Variants in CNTNAP2 observed in about 807,000 individuals in gnomAD.
The protein encoded by CNTNAP2 is contactin-associated protein-like 2.
Under a neutral mutation model 155.2 loss-of-function variants are expected in CNTNAP2, and 98 were observed. The observed-to-expected ratio is 0.63, with a 90% CI of 0.54 to 0.75. The LOEUF (loss-of-function observed/expected upper bound fraction) is 0.75, where lower values mean the gene tolerates loss of function less well. Ranked by LOEUF, CNTNAP2 falls within the 30% of genes least tolerant of loss-of-function variation. CNTNAP2 has a pLI of 0.00. For synonymous variants in CNTNAP2, 651 were observed against 631.2 expected, an observed-to-expected ratio of 1.03 and a Z score of -0.47; for missense variants, 1,727 against 1,688.1, an observed-to-expected ratio of 1.02 and a Z score of -0.40.
At chr7:147,153,817 T>G (rs2116437252) in intron 8 of CNTNAP2, among the ~76,000 whole-genome samples, 1 of 152,270 alleles carries the variant, frequency 6.6e-6, no homozygotes, top group East Asian at 1.9e-4. Flanking sequence ...TCTGACTCTG[T>G]GCTAAAAGGT....
chr7:146,806,808 G>C (rs115620218), intron 2 of CNTNAP2, among the ~76,000 whole-genome samples: 97 of 152,234 alleles, frequency 6.4e-4, no homozygotes, highest in African/African-American at 2.3e-3. Flanking sequence ...TTCTCAGTTA[G>C]ACTTTCTGAT....
At chr7:147,758,255 T>C (rs376071093) in intron 13 of CNTNAP2, among the ~76,000 whole-genome samples, 38 of 152,292 alleles carry the variant, frequency 2.5e-4, no homozygotes, top group African/African-American at 7.9e-4. Flanking sequence ...TCTCGAAAAA[T>C]TGGGACACCT....
intron 9 of CNTNAP2, among the ~76,000 whole-genome samples, chr7:147,368,000 CTG>C: frequency 1.5e-5 from 2 of 135,040 alleles, no homozygotes; most frequent in Admixed American, 7.8e-5. Flanking sequence ...CTCTCTCTCT[CTG>C]TCTCTCTCTC....
At chr7:146,527,769 T>C (rs1797712101) in intron 1 of CNTNAP2, among the ~76,000 whole-genome samples, 1 of 151,948 alleles carries the variant, frequency 6.6e-6, no homozygotes. Context: ...TGGATAATGT[T>C]ATTGCTGGGA....
intron 21 of CNTNAP2, among the ~76,000 whole-genome samples, chr7:148,323,085 T>C (rs1585271745): frequency 6.6e-6 from 1 of 152,084 alleles, no homozygotes; most frequent in South Asian, 2.1e-4. Flanking sequence ...TGTTAGATGC[T>C]TTACCTATGT....
rs1334258034 is a variant in CNTNAP2, at chr7:146,406,252, A to G, written c.97+289279A>G. On this transcript the variant is annotated intron_variant, in intron 1 of 23. Coordinates refer to ENST00000361727, the MANE Select transcript of CNTNAP2 (RefSeq NM_014141.6). ...TGCAGTGGTGACCTTAGGACAGGGC[A>G]CTGTTTAGCAAATATCTTTTAAAAT... Among the ~76,000 whole-genome samples the G allele has an allele frequency of 3.3e-5, 5 of 152,210 alleles. 1 individual carries two copies.
At chr7:147,510,437 C>A (rs932389210) in intron 11 of CNTNAP2, among the ~76,000 whole-genome samples, 9 of 152,020 alleles carry the variant, frequency 5.9e-5, no homozygotes, top group Admixed American at 2.0e-4. Flanking sequence ...TGACAAAGGA[C>A]TTCAGAAATA....
At chr7:147,920,031 G>T (rs1276907583) in intron 14 of CNTNAP2, among the ~76,000 whole-genome samples, 2 of 151,968 alleles carry the variant, frequency 1.3e-5, no homozygotes, top group Non-Finnish European at 2.9e-5. Flanking sequence ...TAGAGTGAAA[G>T]TTCACTGGTA....
intron 1 of CNTNAP2, among the ~76,000 whole-genome samples, chr7:146,275,834 T>A (rs1306870936): frequency 6.6e-6 from 1 of 152,220 alleles, no homozygotes; most frequent in Non-Finnish European, 1.5e-5. Flanking sequence ...TAACTCAGAT[T>A]GCTTGATTTA....
At chr7:146,388,111 A>T in intron 1 of CNTNAP2, among the ~76,000 whole-genome samples, 1 of 146,334 alleles carries the variant, frequency 6.8e-6, no homozygotes, top group Non-Finnish European at 1.5e-5. Context: ...TTAATTTTTA[A>T]CATTTATTTT....
At position 146,683,836 on chromosome 7, in the gene CNTNAP2, G is replaced by T. The variant is rs150363461; in HGVS notation, c.98-90435G>T. Among the ~76,000 whole-genome samples, 1,347 of 152,268 alleles carry T rather than the reference G, an allele frequency of 8.8e-3. 11 individuals are homozygous for T. Among genetic ancestry groups the T allele is most frequent in the Non-Finnish European group, 0.015 (1,011 of 68,004 alleles). On this transcript the variant is annotated intron_variant, in intron 1 of 23. Transcript: ENST00000361727. The stretch of plus-strand genomic sequence containing the variant: ...AAAGGACAGCCTGTTTCAAGGTATG[G>T]TAAAATGATATATGTACAAATATTG...
At chr7:147,558,697 TTTCCTTCCTTCCTTCCTTCCTTCCTTCC>T (rs151097268) in intron 11 of CNTNAP2, among the ~76,000 whole-genome samples, 68,886 of 148,904 alleles carry the variant, frequency 0.46, 16,014 homozygotes, top group East Asian at 0.62. Flanking sequence ...TCGTTCGTTC[TTTCCTTCCTTCCTTCCTTCCTTCCTTCC>T]TTCCTTCCTT....
chr7:146,390,609 A>T (rs2129106505), intron 1 of CNTNAP2, among the ~76,000 whole-genome samples: 1 of 150,058 alleles, frequency 6.7e-6, no homozygotes, highest in African/African-American at 2.4e-5. Flanking sequence ...TGAAATAAAA[A>T]TATATATTTT....
At chr7:147,500,627 A>T (rs1202660596) in intron 11 of CNTNAP2, among the ~76,000 whole-genome samples, 1 of 152,208 alleles carries the variant, frequency 6.6e-6, no homozygotes, top group Non-Finnish European at 1.5e-5. Flanking sequence ...GCACAAACAC[A>T]CACACATACC....
chr7:146,703,490 T>C (rs115786116), intron 1 of CNTNAP2, among the ~76,000 whole-genome samples: 363 of 152,284 alleles, frequency 2.4e-3, no homozygotes, highest in African/African-American at 8.3e-3. Flanking sequence ...GCATTTACTT[T>C]ATGTCTTAGT....
intron 1 of CNTNAP2, among the ~76,000 whole-genome samples, chr7:146,488,473 G>A (rs1797091436): frequency 6.6e-6 from 1 of 151,898 alleles, no homozygotes; most frequent in East Asian, 1.9e-4. Context: ...GGAATGCATA[G>A]TCATTTTAAA....
intron 1 of CNTNAP2, among the ~76,000 whole-genome samples, chr7:146,759,711 A>AAAAAAAAAAG (rs1309834469): frequency 4.9e-5 from 3 of 60,728 alleles, no homozygotes; most frequent in African/African-American, 1.8e-4. Flanking sequence ...AAAAAAAAAA[A>AAAAAAAAAAG]GGTGGGTGGG....
At chr7:147,201,414 T>C (rs925815019) in intron 8 of CNTNAP2, among the ~76,000 whole-genome samples, 1 of 152,180 alleles carries the variant, frequency 6.6e-6, no homozygotes, top group Non-Finnish European at 1.5e-5. Flanking sequence ...GGAATGATGC[T>C]AAGAAAAGCT....
chr7:147,594,631 G>A (rs148010054), intron 12 of CNTNAP2, among the ~76,000 whole-genome samples: 161 of 152,236 alleles, frequency 1.1e-3, no homozygotes, highest in African/African-American at 3.5e-3. Flanking sequence ...CTGAGTCTGA[G>A]TTCTATTGGA....
Sources: gnomAD v4.1 joint callset for allele counts (sites outside exome capture counted in the v4.1 genomes callset) on GRCh38, gnomAD v4.1.1 for gene constraint, MANE v1.5 for transcripts, NCBI Gene and HGNC (gene_info 2026-07-23, HGNC 2026-07-21) for gene names.